Variants in ZFAND4 observed in about 807,000 individuals in gnomAD.
ZFAND4 encodes AN1-type zinc finger protein 4.
Under a neutral mutation model 64.4 loss-of-function variants are expected in ZFAND4, and 43 were observed. The observed-to-expected ratio is 0.67, with a 90% confidence interval of 0.52 to 0.86. The LOEUF (loss-of-function observed/expected upper bound fraction) is 0.86. Among genes scored for constraint, ZFAND4 ranks in the 40% least tolerant of loss-of-function variants. The pLI is 0.00. For synonymous variants in ZFAND4, 296 were observed against 305.7 expected (o/e 0.97, Z 0.33); for missense variants, 929 against 859.8 (o/e 1.08, Z -1.01).
chr10:45,617,023 A>G (rs1431101283), intron 9 of ZFAND4, among the ~76,000 whole-genome samples: 3 of 151,872 alleles, frequency 2.0e-5, no homozygotes, highest in Non-Finnish European at 4.4e-5. Context: ...GGTTGCAGTG[A>G]GCCAAGATCG....
Position 45,616,001 on chromosome 10 carries a change from A to G in ZFAND4, c.*435T>C, listed in dbSNP as rs911402847. On this transcript the variant is annotated 3_prime_UTR_variant, in exon 10 of 10. Transcript: ENST00000344646. ...CCATCCCACCTCTGAAAAAAAAAGA[A>G]GGAGAAGAATAAAAGAAAGAAAAAG... 1.3e-5 allele frequency: 2 copies of G among 152,944 alleles called. No homozygotes were observed. Among genetic ancestry groups the G allele is most frequent in the Non-Finnish European group, 2.9e-5 (2 of 68,270 alleles). 9.5% of individuals were successfully genotyped at this position (152,944 alleles called of 1,614,324 possible). A position where few individuals can be genotyped will look rare whatever the true frequency, so the allele number is the denominator to read the frequency against.
chr10:45,658,204 T>C (rs2048256841), intron 2 of ZFAND4, among the ~76,000 whole-genome samples: 1 of 152,202 alleles, frequency 6.6e-6, no homozygotes, highest in South Asian at 2.1e-4. Context: ...TCATCCAATA[T>C]GACTGGTATC....
chr10:45,663,759 C>T lies in ZFAND4; in HGVS notation c.-34G>A, dbSNP rs367932613. 8.4e-6 allele frequency: 13 copies of T among 1,545,312 alleles called. No individual in the cohort carries two copies. The highest frequency in any genetic ancestry group is 1.1e-5 in the Non-Finnish European group (13 of 1,147,056). ...CTTTTCTAGTTCTTCTAAAATATGTCGCAGGCAACTGTATTCCAGTTCTAG... is the reference window on the plus strand; with the variant it reads ...CTTTTCTAGTTCTTCTAAAATATGTTGCAGGCAACTGTATTCCAGTTCTAG... On this transcript the variant is annotated 5_prime_UTR_variant, in exon 2 of 10. Coordinates refer to ENST00000344646, the MANE Select transcript of ZFAND4 (RefSeq NM_174890.4).
chr10:45,626,717 T>G lies in ZFAND4; in HGVS notation c.1106A>C (p.His369Pro). Residue 369 changes from histidine (H) to proline (P), a missense_variant, in exon 7 of 10, where the codon CAT (histidine) becomes CCT (proline). His to Pro is a moderately conservative substitution (Grantham distance 77). Transcript: ENST00000344646. Reference sequence around the variant, plus strand: ...ACTAGATGGCAAGTTTCCTAAAAAATGTTTTGTTTGCCTAGGCAGGGATGA... The same window carrying G: ...ACTAGATGGCAAGTTTCCTAAAAAAGGTTTTGTTTGCCTAGGCAGGGATGA... ...LGSSLPRQTKHFLGNLPSSNG... is the reference protein window; with the variant it reads ...LGSSLPRQTKPFLGNLPSSNG... 6.2e-7 allele frequency: 1 copy of G among 1,614,182 alleles called. No individual in the cohort carries two copies. The highest frequency in any genetic ancestry group is 1.3e-5 in the African/African-American group (1 of 75,062).
At chr10:45,628,682 T>A (rs2045999990) in intron 6 of ZFAND4, among the ~76,000 whole-genome samples, 2 of 152,084 alleles carry the variant, frequency 1.3e-5, no homozygotes, top group Non-Finnish European at 1.5e-5. Context: ...TTGAAATTAA[T>A]GACAGCTGCC....
intron 6 of ZFAND4, among the ~76,000 whole-genome samples, chr10:45,628,473 TA>T (rs1025101010): frequency 1.3e-5 from 2 of 152,178 alleles, no homozygotes; most frequent in Admixed American, 1.3e-4. Context: ...CATGTCCAGG[TA>T]ATTTTTGTAT....
intron 4 of ZFAND4, chr10:45,651,620 G>C: frequency 2.1e-6 from 1 of 477,616 alleles, no homozygotes; most frequent in Non-Finnish European, 4.3e-6. Flanking sequence ...CTTGGGATTT[G>C]AAGATCTGGT....
intron 9 of ZFAND4, among the ~76,000 whole-genome samples, chr10:45,617,591 GAAAAAAAAAA>G (rs11362238): frequency 1.4e-5 from 1 of 71,082 alleles, no homozygotes; most frequent in Non-Finnish European, 2.7e-5. Context: ...TTACAGTACT[GAAAAAAAAAA>G]AAAAAAAAAA....
chr10:45,668,112 G>A (rs2048951753), intron 1 of ZFAND4, among the ~76,000 whole-genome samples: 1 of 151,950 alleles, frequency 6.6e-6, no homozygotes, highest in African/African-American at 2.4e-5. Flanking sequence ...GCATTACTGG[G>A]GTAAATCCCA....
At chr10:45,667,458 C>CCTTTTTTTTTTTTTTTTTTTTTTTTTTT in intron 1 of ZFAND4, among the ~76,000 whole-genome samples, 1 of 90,662 alleles carries the variant, frequency 1.1e-5, no homozygotes, top group African/African-American at 4.3e-5. Flanking sequence ...TCTTTTCTTT[C>CCTTTTTTTTTTTTTTTTTTTTTTTTTTT]TTTTTTTTTT....
intron 2 of ZFAND4, among the ~76,000 whole-genome samples, chr10:45,658,245 A>G (rs755825599): frequency 6.6e-6 from 1 of 152,330 alleles, no homozygotes; most frequent in South Asian, 2.1e-4. Flanking sequence ...GGAGGCAGAT[A>G]CACACAGACA....
At chr10:45,659,332 G>A (rs2048327097) in intron 2 of ZFAND4, among the ~76,000 whole-genome samples, 1 of 152,118 alleles carries the variant, frequency 6.6e-6, no homozygotes, top group Non-Finnish European at 1.5e-5. Context: ...TAACAACAGT[G>A]GATTACAACG....
At chr10:45,662,349 C>T (rs575316572) in intron 2 of ZFAND4, among the ~76,000 whole-genome samples, 1 of 152,290 alleles carries the variant, frequency 6.6e-6, no homozygotes, top group African/African-American at 2.4e-5. Flanking sequence ...TATTAATCTC[C>T]TCTAAACCCA....
At chr10:45,641,039 A>G (rs916665629) in intron 5 of ZFAND4, among the ~76,000 whole-genome samples, 4 of 152,194 alleles carry the variant, frequency 2.6e-5, no homozygotes, top group Admixed American at 6.5e-5. Flanking sequence ...CGATCCTCAT[A>G]TTTATACTTA....
chr10:45,637,750 AAAAAC>A (rs201979331), intron 6 of ZFAND4, among the ~76,000 whole-genome samples: 8,932 of 151,550 alleles, frequency 0.059, 366 homozygotes, highest in African/African-American at 0.12. Flanking sequence ...ACTCTGTCTC[AAAAAC>A]AAAACAAAAC....
chr10:45,655,728 A>C (rs914966532), intron 2 of ZFAND4, among the ~76,000 whole-genome samples: 19 of 152,204 alleles, frequency 1.2e-4, no homozygotes, highest in Non-Finnish European at 5.9e-5. Flanking sequence ...GATTACTATA[A>C]ATACCTTTAT....
chr10:45,667,577 G>A (rs1039152518), intron 1 of ZFAND4, among the ~76,000 whole-genome samples: 11 of 147,886 alleles, frequency 7.4e-5, no homozygotes, highest in Non-Finnish European at 3.0e-5. Context: ...CAAGCGATTC[G>A]CCTGTCTCAG....
chr10:45,662,724 G>T, intron 2 of ZFAND4: 1 of 952,136 alleles, frequency 1.1e-6, no homozygotes, highest in Non-Finnish European at 1.3e-6. Flanking sequence ...TATATCCTTG[G>T]CCTCACAAAA....
intron 2 of ZFAND4, among the ~76,000 whole-genome samples, chr10:45,657,012 A>T (rs928257653): frequency 4.8e-4 from 72 of 150,026 alleles, no homozygotes; most frequent in African/African-American, 1.5e-3. Flanking sequence ...CAGCAACCTG[A>T]ACTTTTTTTT....
Sources: allele counts gnomAD v4.1 joint callset (sites outside exome capture counted in the v4.1 genomes callset), GRCh38; gene constraint gnomAD v4.1.1; transcripts MANE v1.5; gene names NCBI Gene and HGNC (gene_info 2026-07-23, HGNC 2026-07-21).